ARAP2: variants seen among roughly 807,000 people sequenced by gnomAD.
ARAP2 encodes ArfGAP with RhoGAP domain, ankyrin repeat and PH domain 2, also known as arf-GAP with Rho-GAP domain, ANK repeat and PH domain-containing protein 2.
Under a neutral mutation model 194.5 loss-of-function variants are expected in ARAP2, and 148 were observed. That is an observed-to-expected ratio of 0.76 (90% CI 0.67 to 0.87). The LOEUF (loss-of-function observed/expected upper bound fraction) is 0.87, where lower values mean the gene tolerates loss of function less well. ARAP2 is among the 40% of genes least tolerant of loss of function. The pLI is 0.00. For synonymous variants in ARAP2, 695 were observed against 683.5 expected (o/e 1.02, Z -0.26); for missense variants, 2,128 against 1,989.7 (o/e 1.07, Z -1.32).
At chr4:36,113,442 T>C (rs975908165) in intron 26 of ARAP2, among the ~76,000 whole-genome samples, 2 of 151,978 alleles carry the variant, frequency 1.3e-5, no homozygotes, top group Non-Finnish European at 2.9e-5. Context: ...TAACACACTA[T>C]GGGGTATTTT....
At chr4:36,238,936 A>AAAAAAAC (rs1752963904) in intron 1 of ARAP2, among the ~76,000 whole-genome samples, 1 of 54,084 alleles carries the variant, frequency 1.8e-5, no homozygotes, top group South Asian at 1.1e-3. Flanking sequence ...TGGTTATGGT[A>AAAAAAAC]AAAAACAAAA....
intron 6 of ARAP2, chr4:36,209,542 T>C: frequency 9.3e-6 from 3 of 321,862 alleles, no homozygotes; most frequent in South Asian, 7.6e-5. Flanking sequence ...TCTGGTAGTT[T>C]TTTTTTCCAA....
Position 36,091,778 on chromosome 4 carries a change from A to G in ARAP2, c.4425+103T>C, listed in dbSNP as rs150898029. The G allele has an allele frequency of 2.1e-4, 264 of 1,246,978 alleles. No individual in the cohort carries two copies. In the African/African-American group the frequency reaches 3.6e-3, roughly 17 times the overall value. 77.2% of individuals were successfully genotyped at this position (1,246,978 alleles called of 1,614,324 possible). A position where few individuals can be genotyped will look rare whatever the true frequency, so the allele number is the denominator to read the frequency against. On this transcript the variant is annotated intron_variant, in intron 28 of 32. Coordinates refer to ENST00000303965, the MANE Select transcript of ARAP2 (RefSeq NM_015230.4). The stretch of plus-strand genomic sequence containing the variant: ...ATCATCAGCTTACCATGCATTTTAT[A>G]TACTACAGGCAGTGACTTCCAAGAG...
chr4:36,239,662 AC>A (rs1207388873), intron 1 of ARAP2, among the ~76,000 whole-genome samples: 1 of 152,246 alleles, frequency 6.6e-6, no homozygotes, highest in Non-Finnish European at 1.5e-5. Flanking sequence ...TTTCAGTTCT[AC>A]CAACTGGAAA....
At chr4:36,114,054 AG>A (rs773866223) in intron 26 of ARAP2, 115 bp downstream of exon 26, 3 of 793,176 alleles carry the variant, frequency 3.8e-6, no homozygotes, top group Non-Finnish European at 2.1e-6. Flanking sequence ...ACATGCACTA[AG>A]GTAAAAAAAA....
chr4:36,035,977 G>C (rs1165875195), intron 5 of ARAP2, among the ~76,000 whole-genome samples: 1 of 152,070 alleles, frequency 6.6e-6, no homozygotes. Flanking sequence ...AAATCTCTGT[G>C]ACATTGGTTT....
chr4:36,040,959 C>T (rs930703759), intron 5 of ARAP2, among the ~76,000 whole-genome samples: 5 of 151,740 alleles, frequency 3.3e-5, no homozygotes, highest in Non-Finnish European at 5.9e-5. Context: ...TGGTATTGGC[C>T]GTGGCCTGTT....
intron 26 of ARAP2, 85 bp downstream of exon 26, chr4:36,114,085 C>T: frequency 2.1e-6 from 2 of 956,350 alleles, no homozygotes; most frequent in East Asian, 2.5e-5. Flanking sequence ...GATGTTAAGA[C>T]ATAAAATGTT....
In ARAP2 at chr4:36,128,534, T is replaced by C; in HGVS notation, c.3639A>G (p.Leu1213=). ...TACAAATATCTGTATAAATATTACCTAAAGCAGAGATCCAATATGGGTAGA... is the reference window on the plus strand; with the variant it reads ...TACAAATATCTGTATAAATATTACCCAAAGCAGAGATCCAATATGGGTAGA... The part of the protein sequence containing the change: ...KELYPYWISA[L]DTQDDKERIK... The change falls in exon 21 of 33, where the codon TTA becomes TTG. Residue 1213 remains leucine, a splice_region_variant and synonymous_variant. Transcript: ENST00000303965. The C allele has an allele frequency of 2.5e-6, 4 of 1,577,910 alleles. No individual in the cohort carries two copies. Among genetic ancestry groups the C allele is most frequent in the Non-Finnish European group, 2.6e-6 (3 of 1,153,186 alleles).
At chr4:36,077,919 C>A (rs764989975) in intron 31 of ARAP2, among the ~76,000 whole-genome samples, 15 of 152,096 alleles carry the variant, frequency 9.9e-5, no homozygotes, top group African/African-American at 3.6e-4. Flanking sequence ...GCATGATACC[C>A]CTCTCATTTC....
intron 15 of ARAP2, among the ~76,000 whole-genome samples, chr4:36,152,432 A>T (rs1387227757): frequency 6.6e-6 from 1 of 152,222 alleles, no homozygotes; most frequent in Non-Finnish European, 1.5e-5. Flanking sequence ...GGAGTTTGGA[A>T]GTAATTTCAA....
At chr4:36,208,668 T>C (rs1746090128) in intron 6 of ARAP2, among the ~76,000 whole-genome samples, 1 of 152,226 alleles carries the variant, frequency 6.6e-6, no homozygotes, top group Non-Finnish European at 1.5e-5. Flanking sequence ...AAATTCTCGA[T>C]TCTACTTCTG....
At chr4:36,239,689 T>C (rs1439035847) in intron 1 of ARAP2, among the ~76,000 whole-genome samples, 4 of 152,224 alleles carry the variant, frequency 2.6e-5, no homozygotes, top group Non-Finnish European at 5.9e-5. Flanking sequence ...TGGAGATCTG[T>C]TTCACAGCAT....
At chr4:36,133,933 T>C (rs980942153) in intron 19 of ARAP2, among the ~76,000 whole-genome samples, 2 of 151,744 alleles carry the variant, frequency 1.3e-5, no homozygotes, top group Non-Finnish European at 2.9e-5. Flanking sequence ...GTTTAATCTT[T>C]TCACATAAAT....
At chr4:36,193,518 C>A in intron 7 of ARAP2, 60 bp downstream of exon 7, 1 of 1,157,660 alleles carries the variant, frequency 8.6e-7, no homozygotes, top group South Asian at 1.7e-5. Context: ...AAACTGCTTG[C>A]TTATTTTACT....
At position 36,223,660 on chromosome 4, in the gene ARAP2, A is replaced by G. The variant is rs139521146; in HGVS notation, c.905+4922T>C. On this transcript the variant is annotated intron_variant, in intron 2 of 32. Transcript: ENST00000303965. ...GTAATTGAAGTTAAATACAGTCATAAGGGTGGGGCCCTGTTCCAATAGAAC... is the reference window on the plus strand; with the variant it reads ...GTAATTGAAGTTAAATACAGTCATAGGGGTGGGGCCCTGTTCCAATAGAAC... Among the ~76,000 whole-genome samples, 170 of 152,246 alleles carry G rather than the reference A, an allele frequency of 1.1e-3. 1 individual carries two copies. The highest frequency in any genetic ancestry group is 3.8e-3 in the African/African-American group (156 of 41,544).
chr4:36,147,623 A>G lies in ARAP2; in HGVS notation c.3124T>C (p.Ser1042Pro). The change falls in exon 18 of 33, where the codon TCC (serine) becomes CCC (proline). Residue 1042 changes from serine (S) to proline (P), a missense_variant. Transcript: ENST00000303965. The stretch of plus-strand genomic sequence containing the variant: ...ATTTGAAGGCAAAAATGCAAGCTGG[A>G]TTTGTCCATAGCAAACCAGCCTTTT... ...WRKGWFAMDK[S>P]SLHFCLQMQE... 1 of 1,613,642 alleles carries G rather than the reference A, an allele frequency of 6.2e-7. No homozygotes were observed. Among genetic ancestry groups the G allele is most frequent in the Non-Finnish European group, 8.5e-7 (1 of 1,179,702 alleles).
At chr4:36,119,745 C>T in intron 23 of ARAP2, 27 bp from the exon 24 acceptor site, 2 of 1,495,658 alleles carry the variant, frequency 1.3e-6, no homozygotes, top group Non-Finnish European at 1.9e-6. Flanking sequence ...TCGGGACATT[C>T]TAATAATGTA....
intron 5 of ARAP2, among the ~76,000 whole-genome samples, chr4:36,025,099 C>T (rs1717672673): frequency 6.6e-6 from 1 of 152,104 alleles, no homozygotes. Context: ...GGAGATAATT[C>T]ATAGTCAAAA....
Sources: gnomAD v4.1 joint callset for allele counts (sites outside exome capture counted in the v4.1 genomes callset) on GRCh38, gnomAD v4.1.1 for gene constraint, MANE v1.5 for transcripts, NCBI Gene and HGNC (gene_info 2026-07-23, HGNC 2026-07-21) for gene names.